Variants in NAV3 observed in about 807,000 individuals in gnomAD.
The protein encoded by NAV3 is neuron navigator 3, also known as pore membrane and/or filament interacting like protein 1.
Under a neutral mutation model 244.7 loss-of-function variants are expected in NAV3, and 87 were observed. The ratio of observed to expected loss-of-function variants is 0.36; its 90% CI spans 0.30 to 0.42. The LOEUF is 0.42. Ranked by LOEUF, NAV3 falls within the 20% of genes least tolerant of loss-of-function variation. The pLI, the probability that NAV3 is intolerant of heterozygous loss-of-function variation, is 1.00. For synonymous variants in NAV3, 1,126 were observed against 1,042.2 expected, an observed-to-expected ratio of 1.08 and a Z score of -1.55; for missense variants, 2,663 against 2,893.3, an observed-to-expected ratio of 0.92 and a Z score of 1.83.
chr12:77,991,763 T>A (rs1157465227), intron 5 of NAV3, among the ~76,000 whole-genome samples: 1 of 152,226 alleles, frequency 6.6e-6, no homozygotes, highest in Admixed American at 6.5e-5. Context: ...CTTGGTGCAG[T>A]GTCTCACACT....
At chr12:78,187,329 C>T (rs528719642) in intron 31 of NAV3, among the ~76,000 whole-genome samples, 11 of 151,868 alleles carry the variant, frequency 7.2e-5, no homozygotes, top group African/African-American at 1.9e-4. Flanking sequence ...TTATAGAATC[C>T]ATATCTTCTA....
chr12:77,576,407 A>G (rs1185825304), intron 2 of NAV3, among the ~76,000 whole-genome samples: 1 of 152,010 alleles, frequency 6.6e-6, no homozygotes, highest in African/African-American at 2.4e-5. Context: ...TTCAACTGAC[A>G]TCAAACAGAA....
chr12:77,985,948 A>T (rs1207613038), intron 5 of NAV3, among the ~76,000 whole-genome samples: 1 of 152,172 alleles, frequency 6.6e-6, no homozygotes, highest in East Asian at 1.9e-4. Flanking sequence ...AGAAATTAGT[A>T]TTTCTTCCGA....
At chr12:77,827,676 G>T (rs906593098), upstream of NAV3, among the ~76,000 whole-genome samples, 16 of 152,108 alleles carry the variant, frequency 1.1e-4, no homozygotes, top group Non-Finnish European at 2.2e-4. Flanking sequence ...TCTCATGACT[G>T]TATTTCCTGT....
chr12:77,777,386 A>C (rs1424072530), intron 2 of NAV3, among the ~76,000 whole-genome samples: 1 of 152,184 alleles, frequency 6.6e-6, no homozygotes, highest in Non-Finnish European at 1.5e-5. Context: ...CTACATCATG[A>C]GATGAAGTGA....
chr12:77,667,000 C>T (rs1414472909), intron 2 of NAV3, among the ~76,000 whole-genome samples: 1 of 152,128 alleles, frequency 6.6e-6, no homozygotes, highest in Non-Finnish European at 1.5e-5. Flanking sequence ...TATGTGTATA[C>T]TTTTTTTAGA....
At chr12:77,667,822 C>T (rs111881373) in intron 2 of NAV3, among the ~76,000 whole-genome samples, 8,063 of 152,238 alleles carry the variant, frequency 0.053, 506 homozygotes, top group African/African-American at 0.15. Context: ...AAAGCACCAC[C>T]TTCTGTCTGG....
intron 12 of NAV3, among the ~76,000 whole-genome samples, chr12:78,061,124 G>A (rs939377325): frequency 6.6e-6 from 1 of 152,132 alleles, no homozygotes; most frequent in Non-Finnish European, 1.5e-5. Context: ...CAGATTCTCA[G>A]CTTCATCCAA....
chr12:77,874,508 G>A (rs1592857514), intron 1 of NAV3, among the ~76,000 whole-genome samples: 1 of 152,000 alleles, frequency 6.6e-6, no homozygotes, highest in Admixed American at 6.6e-5. Context: ...AGTATGCTCA[G>A]CCAGCATTCT....
chr12:77,947,145 C>G (rs1199944540), intron 3 of NAV3, among the ~76,000 whole-genome samples: 1 of 151,944 alleles, frequency 6.6e-6, no homozygotes, highest in Non-Finnish European at 1.5e-5. Context: ...ATCCTAGTAG[C>G]TGGAAAATTA....
At chr12:77,590,555 A>G (rs1869858343) in intron 2 of NAV3, among the ~76,000 whole-genome samples, 2 of 152,176 alleles carry the variant, frequency 1.3e-5, no homozygotes, top group African/African-American at 4.8e-5. Context: ...AAAAATAACT[A>G]ACGGGTACTA....
chr12:78,099,369 A>G (rs1954425689), intron 12 of NAV3, among the ~76,000 whole-genome samples: 1 of 151,812 alleles, frequency 6.6e-6, no homozygotes, highest in African/African-American at 2.4e-5. Flanking sequence ...AACTAGGTAA[A>G]TTTTTATGTG....
chr12:78,149,413 G>A (rs149990599), intron 22 of NAV3, among the ~76,000 whole-genome samples: 1 of 152,090 alleles, frequency 6.6e-6, no homozygotes. Context: ...AAAAAACCTT[G>A]GCAGCCTTCT....
At chr12:78,083,427 T>A (rs1953464211) in intron 12 of NAV3, among the ~76,000 whole-genome samples, 1 of 152,208 alleles carries the variant, frequency 6.6e-6, no homozygotes, top group Non-Finnish European at 1.5e-5. Context: ...ATAGACCACC[T>A]GCTATCCCTC....
At chr12:77,928,312 A>G (rs1300425611) in intron 1 of NAV3, among the ~76,000 whole-genome samples, 1 of 151,802 alleles carries the variant, frequency 6.6e-6, no homozygotes, top group African/African-American at 2.4e-5. Flanking sequence ...AGCAAGAAAG[A>G]TTAGAGAACA....
chr12:77,636,876 A>C (rs1420891149), intron 2 of NAV3, among the ~76,000 whole-genome samples: 1 of 152,136 alleles, frequency 6.6e-6, no homozygotes, highest in African/African-American at 2.4e-5. Context: ...CATTCTCAGC[A>C]AACTAACACA....
intron 1 of NAV3, among the ~76,000 whole-genome samples, chr12:77,892,418 ATTTT>A (rs201721386): frequency 7.0e-6 from 1 of 143,000 alleles, no homozygotes; most frequent in Admixed American, 7.1e-5. Flanking sequence ...GACCATTTGA[ATTTT>A]TTTTTTTTTT....
chr12:78,156,637 A>G (rs1370278578), intron 22 of NAV3, among the ~76,000 whole-genome samples: 1 of 152,144 alleles, frequency 6.6e-6, no homozygotes, highest in African/African-American at 2.4e-5. Context: ...CACTATAAGG[A>G]GAATTAAAAT....
At chr12:78,069,588 CCTT>C (rs1347589060) in intron 12 of NAV3, among the ~76,000 whole-genome samples, 1 of 151,684 alleles carries the variant, frequency 6.6e-6, no homozygotes, top group Non-Finnish European at 1.5e-5. Context: ...GATTGCATGT[CCTT>C]CTGTTATGTG....
Sources: allele counts gnomAD v4.1 joint callset (sites outside exome capture counted in the v4.1 genomes callset), GRCh38; gene constraint gnomAD v4.1.1; transcripts MANE v1.5; gene names NCBI Gene and HGNC (gene_info 2026-07-23, HGNC 2026-07-21).